The following EPHA3 variants were observed in gnomAD, a reference collection of about 807,000 sequenced individuals.
EPHA3 encodes ephrin type-A receptor 3.
Under a neutral mutation model 107.1 loss-of-function variants are expected in EPHA3, and 42 were observed. The observed-to-expected ratio is 0.39, with a 90% CI of 0.31 to 0.51. EPHA3 has a LOEUF of 0.51. Among genes scored for constraint, EPHA3 ranks in the 20% least tolerant of loss-of-function variants. The pLI is 0.78. For missense variants in EPHA3, 1,183 were observed against 1,211.2 expected (o/e 0.98, Z 0.35); for synonymous variants, 461 against 424.8 (o/e 1.09, Z -1.05).
At chr3:89,341,656 T>C in intron 4 of EPHA3, 99 bp from the exon 5 acceptor site, 1 of 928,218 alleles carries the variant, frequency 1.1e-6, no homozygotes, top group Middle Eastern at 2.9e-4. Context: ...AAAGAAAGGA[T>C]AGTTATTTAC....
At chr3:89,167,788 G>A (rs1033181460) in intron 2 of EPHA3, among the ~76,000 whole-genome samples, 1 of 152,048 alleles carries the variant, frequency 6.6e-6, no homozygotes, top group Non-Finnish European at 1.5e-5. Context: ...GAGCAAGATA[G>A]AATTCCCACA....
chr3:89,274,501 G>A (rs1279178479), intron 3 of EPHA3, among the ~76,000 whole-genome samples: 2 of 151,886 alleles, frequency 1.3e-5, no homozygotes, highest in Non-Finnish European at 2.9e-5. Flanking sequence ...AATGATCTGT[G>A]TTAAATTCTT....
At chr3:89,359,695 G>C (rs147465695) in intron 5 of EPHA3, among the ~76,000 whole-genome samples, 1 of 144,336 alleles carries the variant, frequency 6.9e-6, no homozygotes, top group Non-Finnish European at 1.5e-5. Flanking sequence ...GTGTATATAC[G>C]TTATATATTG....
intron 1 of EPHA3, among the ~76,000 whole-genome samples, chr3:89,110,082 G>A (rs1707065702): frequency 1.3e-5 from 2 of 151,936 alleles, no homozygotes; most frequent in African/African-American, 4.8e-5. Flanking sequence ...CAATTCTTTT[G>A]AAAATGTATA....
At chr3:89,160,106 G>A (rs1380863253) in intron 2 of EPHA3, among the ~76,000 whole-genome samples, 2 of 151,942 alleles carry the variant, frequency 1.3e-5, no homozygotes, top group Admixed American at 6.6e-5. Flanking sequence ...AAGAAATGAT[G>A]GTAATCAATT....
intron 2 of EPHA3, among the ~76,000 whole-genome samples, chr3:89,170,886 C>A (rs528491168): frequency 4.8e-4 from 72 of 150,276 alleles, no homozygotes; most frequent in African/African-American, 1.5e-3. Flanking sequence ...TCTAGTGGAT[C>A]GTTAAATAGA....
At chr3:89,165,942 A>G (rs1016378818) in intron 2 of EPHA3, among the ~76,000 whole-genome samples, 17 of 152,276 alleles carry the variant, frequency 1.1e-4, no homozygotes, top group East Asian at 5.8e-4. Flanking sequence ...CGTTCACCCT[A>G]TGGTTTGTTT....
chr3:89,417,577 A>C (rs568607633), intron 10 of EPHA3, among the ~76,000 whole-genome samples: 1 of 151,354 alleles, frequency 6.6e-6, no homozygotes, highest in Non-Finnish European at 1.5e-5. Flanking sequence ...ATTTTATCAC[A>C]CCATAACTTC....
In EPHA3 at chr3:89,209,923, G is replaced by A. The variant is rs1706226461; in HGVS notation, c.217G>A (p.Val73Ile). The change falls in exon 3 of 17, where the codon GTC becomes ATC. Residue 73 changes from valine to isoleucine, a missense_variant. Transcript: ENST00000336596. ...TPIRTYQVCN[V>I]MDHSQNNWLR... ...CATCAGGACTTACCAGGTGTGCAAT[G>A]TCATGGACCACAGTCAAAACAATTG... The A allele has an allele frequency of 6.2e-7, 1 of 1,613,758 alleles. No individual in the cohort carries two copies. The highest frequency in any genetic ancestry group is 8.5e-7 in the Non-Finnish European group (1 of 1,179,842).
intron 2 of EPHA3, among the ~76,000 whole-genome samples, chr3:89,135,012 A>T (rs984178570): frequency 1.3e-5 from 2 of 152,214 alleles, no homozygotes; most frequent in African/African-American, 4.8e-5. Flanking sequence ...TCAAATGGCA[A>T]ATTTCAACAA....
intron 5 of EPHA3, among the ~76,000 whole-genome samples, chr3:89,386,095 G>C (rs1234390672): frequency 6.6e-6 from 1 of 152,184 alleles, no homozygotes; most frequent in Non-Finnish European, 1.5e-5. Flanking sequence ...CATTCAAGAG[G>C]AAGCAGAGCA....
intron 3 of EPHA3, among the ~76,000 whole-genome samples, chr3:89,302,252 C>T (rs1439142786): frequency 6.6e-6 from 1 of 152,098 alleles, no homozygotes; most frequent in Admixed American, 6.6e-5. Flanking sequence ...CATAATTTTA[C>T]ATTTTTAGTA....
intron 2 of EPHA3, among the ~76,000 whole-genome samples, chr3:89,190,572 A>G (rs1246046706): frequency 1.3e-5 from 2 of 152,174 alleles, no homozygotes; most frequent in Non-Finnish European, 2.9e-5. Context: ...GAAGTGTGAA[A>G]TCAACATGTT....
chr3:89,426,205 T>G (rs1709453601), intron 11 of EPHA3, among the ~76,000 whole-genome samples: 1 of 151,742 alleles, frequency 6.6e-6, no homozygotes, highest in Non-Finnish European at 1.5e-5. Flanking sequence ...TGGAAGAGCA[T>G]GCAAACTTGA....
At chr3:89,366,587 A>G (rs1708187990) in intron 5 of EPHA3, among the ~76,000 whole-genome samples, 1 of 150,586 alleles carries the variant, frequency 6.6e-6, no homozygotes, top group Admixed American at 6.7e-5. Flanking sequence ...AAGTGTAGAT[A>G]ATAGAGCATG....
chr3:89,267,333 A>G (rs370740737), intron 3 of EPHA3, among the ~76,000 whole-genome samples: 1 of 152,170 alleles, frequency 6.6e-6, no homozygotes, highest in South Asian at 2.1e-4. Context: ...TTCAATTGGA[A>G]GGGAATGAGG....
chr3:89,307,957 TTG>T (rs1706666121), intron 3 of EPHA3, among the ~76,000 whole-genome samples: 1 of 152,162 alleles, frequency 6.6e-6, no homozygotes, highest in Non-Finnish European at 1.5e-5. Context: ...TAGCTGACAG[TTG>T]TGATTTACGA....
chr3:89,392,729 T>C (rs1014907253), intron 5 of EPHA3, among the ~76,000 whole-genome samples: 1 of 152,124 alleles, frequency 6.6e-6, no homozygotes, highest in Non-Finnish European at 1.5e-5. Flanking sequence ...AGAAAAACAC[T>C]GATTTAAAGA....
chr3:89,269,731 T>C (rs1419675343), intron 3 of EPHA3, among the ~76,000 whole-genome samples: 2 of 148,558 alleles, frequency 1.3e-5, no homozygotes, highest in Admixed American at 1.4e-4. Flanking sequence ...ATTAGGTATA[T>C]CTCCCAATGC....
Sources: gnomAD v4.1 joint callset for allele counts (sites outside exome capture counted in the v4.1 genomes callset) on GRCh38, gnomAD v4.1.1 for gene constraint, MANE v1.5 for transcripts, NCBI Gene and HGNC (gene_info 2026-07-23, HGNC 2026-07-21) for gene names.